KIF13A: variants seen among roughly 807,000 people sequenced by gnomAD.
KIF13A encodes kinesin family member 13A, also known as kinesin-like protein KIF13A.
Under a neutral mutation model 212.2 loss-of-function variants are expected in KIF13A, and 79 were observed. That is an observed-to-expected ratio of 0.37 (90% CI 0.31 to 0.45). The LOEUF (loss-of-function observed/expected upper bound fraction) is 0.45. Ranked by LOEUF, KIF13A falls within the 20% of genes least tolerant of loss-of-function variation. The pLI is 1.00. For synonymous variants in KIF13A, 789 were observed against 808.6 expected, an observed-to-expected ratio of 0.98 and a Z score of 0.41; for missense variants, 1,901 against 2,209.0, an observed-to-expected ratio of 0.86 and a Z score of 2.79.
chr6:17,986,485 G>A (rs566535352), intron 2 of KIF13A, among the ~76,000 whole-genome samples: 1 of 152,166 alleles, frequency 6.6e-6, no homozygotes, highest in South Asian at 2.1e-4. Context: ...ATCAAAATTC[G>A]CGCATTACAT....
Position 17,764,153 on chromosome 6 carries a change from A to G in KIF13A, c.5375T>C (p.Val1792Ala). Residue 1792 changes from valine to alanine, a missense_variant, in exon 39 of 39, where the codon GTA becomes GCA. Around this residue, in one of 5 missense-constraint regions of KIF13A, gnomAD observed 687 missense variants for 759.1 expected, o/e 0.90. Transcript: ENST00000259711. The surrounding 1 kb of genome is among the most constrained non-coding windows in gnomAD (Gnocchi z 5.1). ...QLHSKLENDQ[V>A]IIPEAAFWVL... Reference sequence around the variant, plus strand: ...CCAAAAGGCTGCCTCTGGAATTATTACCTGGTCATTCTCTAACTTGGAATG... The same window carrying G: ...CCAAAAGGCTGCCTCTGGAATTATTGCCTGGTCATTCTCTAACTTGGAATG... The G allele has an allele frequency of 2.5e-6, 4 of 1,613,986 alleles. No individual in the cohort carries two copies. Among genetic ancestry groups the G allele is most frequent in the Non-Finnish European group, 3.4e-6 (4 of 1,179,886 alleles).
chr6:17,792,070 G>C (rs183939636), intron 25 of KIF13A, among the ~76,000 whole-genome samples: 364 of 151,930 alleles, frequency 2.4e-3, no homozygotes, highest in African/African-American at 8.5e-3. Context: ...AGGTGCGTTG[G>C]CAGGTGCCCG....
chr6:17,850,363 T>C lies in KIF13A; in HGVS notation c.677A>G (p.Asn226Ser). The C allele has an allele frequency of 6.2e-7, 1 of 1,613,932 alleles. No individual in the cohort carries two copies. The highest frequency in any genetic ancestry group is 2.2e-5 in the East Asian group (1 of 44,868). The change falls in exon 8 of 39, where the codon AAC becomes AGC. Residue 226 changes from asparagine to serine, a missense_variant. Asn to Ser is a conservative substitution (Grantham distance 46, BLOSUM62 1). Coordinates refer to ENST00000259711, the MANE Select transcript of KIF13A (RefSeq NM_022113.6). This position sits in a 1 kb window ranked among gnomAD's most constrained non-coding sequence, Gnocchi z 6.2. ...ATAAAGTGTCTGTGTGATTATGATG[T>C]TGAACACAGCATGGGAGCGGCTGCT... Reference protein sequence around the residue: ...EESSRSHAVFNIIITQTLYDL... With the variant: ...EESSRSHAVFSIIITQTLYDL...
intron 33 of KIF13A, 91 bp downstream of exon 33, chr6:17,778,852 AGATT>A: frequency 1.4e-6 from 2 of 1,387,282 alleles, no homozygotes; most frequent in Non-Finnish European, 2.0e-6. Context: ...CTTCTCTGAT[AGATT>A]TAGTGAGGTG....
At chr6:17,770,270 G>A (rs1581858067) in intron 38 of KIF13A, 1 of 151,282 alleles carries the variant, frequency 6.6e-6, no homozygotes. Context: ...CCCTGAGCTG[G>A]TTTTACTTTT....
At chr6:17,874,445 A>AT (rs1471054090) in intron 3 of KIF13A, among the ~76,000 whole-genome samples, 1 of 151,054 alleles carries the variant, frequency 6.6e-6, no homozygotes, top group South Asian at 2.1e-4. Flanking sequence ...TTAAATTTTA[A>AT]TTTTTTTTGA....
intron 2 of KIF13A, among the ~76,000 whole-genome samples, chr6:17,959,042 G>A (rs543681260): frequency 6.6e-6 from 1 of 151,696 alleles, no homozygotes; most frequent in South Asian, 2.1e-4. Context: ...TAATCACCAT[G>A]CCAGGCTAAT....
At chr6:17,878,517 G>A (rs1345717743) in intron 3 of KIF13A, among the ~76,000 whole-genome samples, 2 of 151,072 alleles carry the variant, frequency 1.3e-5, no homozygotes, top group Non-Finnish European at 2.9e-5. Context: ...CTGGGATCAA[G>A]CGATCCTCCT....
chr6:17,780,835 A>G lies in KIF13A; in HGVS notation c.3741T>C (p.Asn1247=), dbSNP rs1423741222. The change falls in exon 31 of 39, where the codon AAT becomes AAC. Residue 1247 remains asparagine, a synonymous_variant. Coordinates refer to ENST00000259711, the MANE Select transcript of KIF13A (RefSeq NM_022113.6). ...SVHLNRVTPQ[N]ERIYLIVKTT... ...TTTTCACAATTAGGTAAATCCTTTCATTCTGTGGTGTGACCCTATTCAAGT... is the reference window on the plus strand; with the variant it reads ...TTTTCACAATTAGGTAAATCCTTTCGTTCTGTGGTGTGACCCTATTCAAGT... 2 of 1,613,872 alleles carry G rather than the reference A, an allele frequency of 1.2e-6. No homozygotes were observed. Among genetic ancestry groups the G allele is most frequent in the African/African-American group, 1.3e-5 (1 of 74,932 alleles).
At chr6:17,977,772 A>G (rs927603657) in intron 2 of KIF13A, among the ~76,000 whole-genome samples, 1 of 152,262 alleles carries the variant, frequency 6.6e-6, no homozygotes, top group Non-Finnish European at 1.5e-5. Context: ...TACATATTGT[A>G]TACATGTGCC....
rs1761019451 is a variant in KIF13A at position 17,785,915 on chromosome 6, C to G, written c.3362-274G>C. Among the ~76,000 whole-genome samples, 1 of 152,082 alleles carries G rather than the reference C, an allele frequency of 6.6e-6. No individual in the cohort carries two copies. Among genetic ancestry groups the G allele is most frequent in the South Asian group, 2.1e-4 (1 of 4,824 alleles). Reference sequence around the variant, plus strand: ...CTGGGCAACAGACAAGAGACCCTGTCTCAAAAAACAAGCAAACAAAAACAA... The same window carrying G: ...CTGGGCAACAGACAAGAGACCCTGTGTCAAAAAACAAGCAAACAAAAACAA... On this transcript the variant is annotated intron_variant, in intron 27 of 38. Coordinates refer to ENST00000259711, the MANE Select transcript of KIF13A (RefSeq NM_022113.6). The surrounding 1 kb of genome is among the most constrained non-coding windows in gnomAD (Gnocchi z 5.8).
At chr6:17,763,200 A>C (rs1046556775), downstream of KIF13A, among the ~76,000 whole-genome samples, 1 of 152,240 alleles carries the variant, frequency 6.6e-6, no homozygotes, top group African/African-American at 2.4e-5. Context: ...ATTAACCAAT[A>C]TTAGTCAGGC....
chr6:17,978,011 A>C (rs556554125), intron 2 of KIF13A, among the ~76,000 whole-genome samples: 4 of 152,244 alleles, frequency 2.6e-5, no homozygotes, highest in Non-Finnish European at 5.9e-5. Context: ...CTGCAAGCAT[A>C]ATTTGATAAA....
At chr6:17,950,369 G>A (rs1014244532) in intron 2 of KIF13A, 2 of 954,358 alleles carry the variant, frequency 2.1e-6, no homozygotes, top group African/African-American at 3.5e-5. Flanking sequence ...TTGGTTAGAG[G>A]AAAAGAAGAT....
Position 17,811,425 on chromosome 6 carries a change from A to G in KIF13A, c.2001-2495T>C, listed in dbSNP as rs780435193. Among the ~76,000 whole-genome samples, 17 of 152,238 alleles carry G rather than the reference A, an allele frequency of 1.1e-4. No homozygotes were observed. The highest frequency in any genetic ancestry group is 2.4e-4 in the African/African-American group (10 of 41,448). ...AGAAAACAAACAAATAACTATTAAT[A>G]TATAATCCTAACGTTTCCTATTGTT... On this transcript the variant is annotated intron_variant, in intron 17 of 38. Coordinates refer to ENST00000259711, the MANE Select transcript of KIF13A (RefSeq NM_022113.6). This position sits in a 1 kb window ranked among gnomAD's most constrained non-coding sequence, Gnocchi z 6.0.
intron 2 of KIF13A, among the ~76,000 whole-genome samples, chr6:17,942,368 A>T: frequency 6.6e-6 from 1 of 151,472 alleles, no homozygotes. Flanking sequence ...ATTTCTGTTC[A>T]TTGAAATTTA....
chr6:17,980,964 A>T lies in KIF13A; in HGVS notation c.146+6090T>A, dbSNP rs144650692. On this transcript the variant is annotated intron_variant, in intron 2 of 38. Coordinates refer to ENST00000259711, the MANE Select transcript of KIF13A (RefSeq NM_022113.6). ...TTCAGAAATACGGTGGGAAATTCCA[A>T]AAGAATGAATTAAAACCACTAAAAG... 8.5e-4 allele frequency among the ~76,000 whole-genome samples: 130 copies of T among 152,266 alleles called. 2 individuals are homozygous for T. In the East Asian group the frequency reaches 0.022, roughly 26 times the overall value.
chr6:17,986,175 G>A (rs1374396381), intron 2 of KIF13A, among the ~76,000 whole-genome samples: 1 of 152,198 alleles, frequency 6.6e-6, no homozygotes, highest in Non-Finnish European at 1.5e-5. Flanking sequence ...CATTTCCAAT[G>A]AAAATTAATA....
rs1423767376 is a variant in KIF13A at position 17,899,069 on chromosome 6, C to G, written c.147-889G>C. ...TCTCAAACTCCTGACCTCAAGCAAT[C>G]CCCCCACCTCAGCCTCCCAAAGTGC... On this transcript the variant is annotated intron_variant, in intron 2 of 38. Coordinates refer to ENST00000259711, the MANE Select transcript of KIF13A (RefSeq NM_022113.6). The surrounding 1 kb of genome is among the most constrained non-coding windows in gnomAD (Gnocchi z 5.2). Among the ~76,000 whole-genome samples the G allele has an allele frequency of 6.6e-6, 1 of 152,280 alleles. No individual in the cohort carries two copies. Among genetic ancestry groups the G allele is most frequent in the Non-Finnish European group, 1.5e-5 (1 of 68,018 alleles).
Sources: allele counts gnomAD v4.1 joint callset (sites outside exome capture counted in the v4.1 genomes callset), GRCh38; gene constraint gnomAD v4.1.1; regional missense constraint gnomAD v4.1.1; non-coding constraint Gnocchi (gnomAD v3.1); transcripts MANE v1.5; gene names NCBI Gene and HGNC (gene_info 2026-07-23, HGNC 2026-07-21).